Variants in GRHL2 observed in about 807,000 individuals in gnomAD.
The protein encoded by GRHL2 is grainyhead-like protein 2 homolog.
GRHL2 carries 21 observed loss-of-function variants against 83.8 expected under a neutral mutation model. The ratio of observed to expected loss-of-function variants is 0.25; its 90% CI spans 0.18 to 0.36. The LOEUF is 0.36. Ranked by LOEUF, GRHL2 falls within the 10% of genes least tolerant of loss-of-function variation. The pLI is 1.00. For missense variants in GRHL2, 623 were observed against 781.8 expected (o/e 0.80, Z 2.42); for synonymous variants, 280 against 278.9 (o/e 1.00, Z -0.04).
intron 1 of GRHL2, among the ~76,000 whole-genome samples, chr8:101,511,276 A>G (rs1810459230): frequency 6.6e-6 from 1 of 152,196 alleles, no homozygotes; most frequent in African/African-American, 2.4e-5. Flanking sequence ...TAGAAGCGGA[A>G]CCTTTGGGGC....
In GRHL2 at chr8:101,518,160, T is replaced by A. The variant is rs573177866; in HGVS notation, c.21-25081T>A. Among the ~76,000 whole-genome samples, 10 of 152,334 alleles carry A rather than the reference T, an allele frequency of 6.6e-5. No individual in the cohort carries two copies. The South Asian group carries it at 2.1e-3, about 32-fold the overall frequency. On this transcript the variant is annotated intron_variant, in intron 1 of 15. Transcript: ENST00000646743. ...ATATCACATACTTCCCTGCCTCTAA[T>A]AATCATATCCTCCACCTCCTTGTGA...
chr8:101,545,248 A>G (rs1381229678), intron 2 of GRHL2, among the ~76,000 whole-genome samples: 1 of 152,070 alleles, frequency 6.6e-6, no homozygotes, highest in Non-Finnish European at 1.5e-5. Flanking sequence ...TGACTTTCCC[A>G]CTTATCAAGA....
intron 12 of GRHL2, among the ~76,000 whole-genome samples, chr8:101,640,362 T>C (rs1292332999): frequency 6.6e-6 from 1 of 151,634 alleles, no homozygotes; most frequent in East Asian, 1.9e-4. Flanking sequence ...ATTCAGACCA[T>C]GAAAAAAATG....
intron 8 of GRHL2, among the ~76,000 whole-genome samples, chr8:101,604,083 TG>T (rs2130326661): frequency 6.6e-6 from 1 of 151,548 alleles, no homozygotes; most frequent in South Asian, 2.1e-4. Flanking sequence ...TGTGCATATG[TG>T]TATGTGTGTG....
At chr8:101,656,973 A>C (rs1813804887) in intron 14 of GRHL2, among the ~76,000 whole-genome samples, 2 of 152,030 alleles carry the variant, frequency 1.3e-5, no homozygotes, top group Admixed American at 1.3e-4. Flanking sequence ...AAGAGGCTAG[A>C]GAAAGGGATA....
intron 7 of GRHL2, among the ~76,000 whole-genome samples, chr8:101,587,951 C>T (rs1812202005): frequency 2.0e-5 from 3 of 152,152 alleles, no homozygotes; most frequent in Non-Finnish European, 4.4e-5. Context: ...TTTACAAAAC[C>T]TAAAACTTGC....
intron 7 of GRHL2, among the ~76,000 whole-genome samples, chr8:101,591,476 C>T (rs751952958): frequency 6.6e-6 from 1 of 152,234 alleles, no homozygotes; most frequent in Non-Finnish European, 1.5e-5. Context: ...AATGTCCAGT[C>T]TCTTTGCCTC....
intron 8 of GRHL2, among the ~76,000 whole-genome samples, chr8:101,604,066 GTATGTGTGTGCA>G (rs1812576286): frequency 6.7e-6 from 1 of 149,384 alleles, no homozygotes; most frequent in African/African-American, 2.5e-5. Flanking sequence ...GTGTTTGTGT[GTATGTGTGTGCA>G]TATGTGTATG....
chr8:101,494,117 C>G (rs2129944814), intron 1 of GRHL2, among the ~76,000 whole-genome samples: 1 of 152,256 alleles, frequency 6.6e-6, no homozygotes, highest in East Asian at 1.9e-4. Flanking sequence ...CCCGAGGGGA[C>G]CTTCCTGAAG....
At chr8:101,552,238 G>T (rs1811396881) in intron 2 of GRHL2, among the ~76,000 whole-genome samples, 1 of 152,184 alleles carries the variant, frequency 6.6e-6, no homozygotes, top group South Asian at 2.1e-4. Context: ...GCTCAGTATG[G>T]CCCGCCCCGT....
At chr8:101,542,363 G>A (rs892737539) in intron 1 of GRHL2, among the ~76,000 whole-genome samples, 3 of 151,854 alleles carry the variant, frequency 2.0e-5, no homozygotes, top group Non-Finnish European at 2.9e-5. Context: ...ATCACCTGAG[G>A]TCAGGAGTTT....
chr8:101,626,653 A>G (rs1404802379), intron 9 of GRHL2, among the ~76,000 whole-genome samples: 1 of 152,070 alleles, frequency 6.6e-6, no homozygotes, highest in Non-Finnish European at 1.5e-5. Flanking sequence ...AATTTTCCAG[A>G]TATATTTTCC....
In GRHL2 at chr8:101,668,653, G is replaced by A. The variant is rs555226602; in HGVS notation, c.*1950G>A. ...GACCAGCAGCTTGGGGACCCTCCAGGGTACTAATGGGGCTCTGTTCTGAGA... is the reference window on the plus strand; with the variant it reads ...GACCAGCAGCTTGGGGACCCTCCAGAGTACTAATGGGGCTCTGTTCTGAGA... On this transcript the variant is annotated 3_prime_UTR_variant, in exon 16 of 16. Transcript: ENST00000646743. 1 of 152,674 alleles carries A rather than the reference G, an allele frequency of 6.5e-6. No homozygotes were observed. The allele number at this position is 152,674 out of a possible 1,614,324, so 9.5% of individuals were successfully genotyped here.
the GRHL2 span, among the ~76,000 whole-genome samples, chr8:101,677,023 G>C: frequency 1.3e-5 from 2 of 151,814 alleles, no homozygotes; most frequent in Non-Finnish European, 2.9e-5. Context: ...AGAACACATG[G>C]ACACAGGAAG....
the GRHL2 span, among the ~76,000 whole-genome samples, chr8:101,677,049 C>T: frequency 5.3e-5 from 8 of 151,352 alleles, no homozygotes; most frequent in South Asian, 1.5e-3. Context: ...TATCACACTC[C>T]AGGGACTGTT....
the GRHL2 span, among the ~76,000 whole-genome samples, chr8:101,678,350 C>G: frequency 6.6e-6 from 1 of 152,198 alleles, no homozygotes; most frequent in African/African-American, 2.4e-5. Flanking sequence ...GGGTCACTCC[C>G]ACCCGAATAC....
chr8:101,570,784 T>C (rs1446188573), intron 5 of GRHL2, among the ~76,000 whole-genome samples: 1 of 152,224 alleles, frequency 6.6e-6, no homozygotes, highest in Non-Finnish European at 1.5e-5. Context: ...GTACCCATTC[T>C]CCAAGCCACC....
At chr8:101,575,603 G>A (rs1811918041) in intron 6 of GRHL2, among the ~76,000 whole-genome samples, 1 of 152,154 alleles carries the variant, frequency 6.6e-6, no homozygotes, top group Non-Finnish European at 1.5e-5. Flanking sequence ...GTCAAAGCAT[G>A]TAGGGCGTGG....
chr8:101,671,924 G>C (rs1169428370), downstream of GRHL2, among the ~76,000 whole-genome samples: 1 of 152,180 alleles, frequency 6.6e-6, no homozygotes, highest in Non-Finnish European at 1.5e-5. Context: ...AGCCACCGCT[G>C]CTGATACCCA....
Sources: gnomAD v4.1 joint callset for allele counts (sites outside exome capture counted in the v4.1 genomes callset) on GRCh38, gnomAD v4.1.1 for gene constraint, MANE v1.5 for transcripts, NCBI Gene and HGNC (gene_info 2026-07-23, HGNC 2026-07-21) for gene names.